Variants in RBFOX1 observed in about 807,000 individuals in gnomAD.
RBFOX1 encodes the protein RNA binding fox-1 homolog 1, also known as RNA binding protein fox-1 homolog 1.
In RBFOX1, 8 loss-of-function variants were observed where a neutral mutation model predicts 57.7. That is an observed-to-expected ratio of 0.14 (90% CI 0.08 to 0.25). The LOEUF is 0.25. Ranked by LOEUF, RBFOX1 falls within the 10% of genes least tolerant of loss-of-function variation. The probability of loss-of-function intolerance (pLI) is 1.00; values close to 1 mark genes in which losing one functional copy is unlikely to be tolerated. For synonymous variants in RBFOX1, 326 were observed against 222.4 expected, an observed-to-expected ratio of 1.47 and a Z score of -4.15; for missense variants, 611 against 548.5, an observed-to-expected ratio of 1.11 and a Z score of -1.14.
At chr16:5,962,390 C>T (rs1211791301) in intron 4 of RBFOX1, among the ~76,000 whole-genome samples, 2 of 152,170 alleles carry the variant, frequency 1.3e-5, no homozygotes, top group Non-Finnish European at 2.9e-5. Context: ...ATGAAGCACT[C>T]AGGGGACCTT....
chr16:6,568,575 G>C (rs747285772), intron 2 of RBFOX1, among the ~76,000 whole-genome samples: 1 of 152,050 alleles, frequency 6.6e-6, no homozygotes, highest in Non-Finnish European at 1.5e-5. Context: ...TGGCACAAAG[G>C]CACGAATAAC....
chr16:5,882,526 C>T (rs1021144582), intron 4 of RBFOX1, among the ~76,000 whole-genome samples: 1 of 152,146 alleles, frequency 6.6e-6, no homozygotes, highest in Non-Finnish European at 1.5e-5. Context: ...TTGATGAACT[C>T]AGAGCTGCCT....
At chr16:7,186,556 AAGCTTAAAC>A (rs1567619234) in intron 4 of RBFOX1, among the ~76,000 whole-genome samples, 10 of 60,952 alleles carry the variant, frequency 1.6e-4, no homozygotes, top group African/African-American at 4.5e-4. Flanking sequence ...ATATAAATAT[AAGCTTAAAC>A]ATATTTATAT....
At chr16:6,455,298 C>T (rs117853804) in intron 2 of RBFOX1, among the ~76,000 whole-genome samples, 3 of 152,118 alleles carry the variant, frequency 2.0e-5, no homozygotes, top group East Asian at 1.9e-4. Context: ...AACCTAACCA[C>T]GATGTATTGC....
At chr16:6,773,553 T>G in intron 3 of RBFOX1, among the ~76,000 whole-genome samples, 1 of 135,884 alleles carries the variant, frequency 7.4e-6, no homozygotes, top group Non-Finnish European at 1.6e-5. Flanking sequence ...ATAGGGTGCA[T>G]TTGTGTGTGT....
At chr16:6,951,043 C>A (rs537005637) in intron 3 of RBFOX1, among the ~76,000 whole-genome samples, 1 of 151,970 alleles carries the variant, frequency 6.6e-6, no homozygotes, top group African/African-American at 2.4e-5. Flanking sequence ...GTAGGTGGGA[C>A]TACAGGCACG....
At chr16:6,471,791 T>C (rs2095181139) in intron 2 of RBFOX1, among the ~76,000 whole-genome samples, 1 of 152,144 alleles carries the variant, frequency 6.6e-6, no homozygotes, top group South Asian at 2.1e-4. Flanking sequence ...TGGCCATGTC[T>C]TGTGCAATCC....
chr16:5,246,213 G>T (rs2062296062), intron 1 of RBFOX1, among the ~76,000 whole-genome samples: 1 of 152,146 alleles, frequency 6.6e-6, no homozygotes, highest in South Asian at 2.1e-4. Flanking sequence ...CTGCACTTCA[G>T]CCAGCCTGGG....
At chr16:7,117,259 T>C (rs2066118228) in intron 4 of RBFOX1, among the ~76,000 whole-genome samples, 1 of 152,144 alleles carries the variant, frequency 6.6e-6, no homozygotes, top group Non-Finnish European at 1.5e-5. Context: ...ACTGATCGTT[T>C]CATTGTACGA....
chr16:7,110,753 T>G (rs993557495), intron 4 of RBFOX1, among the ~76,000 whole-genome samples: 12 of 152,180 alleles, frequency 7.9e-5, no homozygotes, highest in African/African-American at 2.7e-4. Context: ...TTCTTAAAAT[T>G]GTGCACGTAA....
intron 3 of RBFOX1, among the ~76,000 whole-genome samples, chr16:6,815,410 C>T (rs1414262528): frequency 6.6e-6 from 1 of 152,122 alleles, no homozygotes; most frequent in African/African-American, 2.4e-5. Flanking sequence ...CTTACTTTAC[C>T]TAACCCCTTT....
intron 1 of RBFOX1, among the ~76,000 whole-genome samples, chr16:6,034,323 C>T (rs969462548): frequency 2.1e-4 from 19 of 89,152 alleles, no homozygotes; most frequent in South Asian, 9.0e-4. Flanking sequence ...CAGAGCGAGA[C>T]TGTTGCGCAA....
At chr16:6,973,091 A>G (rs1486087852) in intron 3 of RBFOX1, among the ~76,000 whole-genome samples, 2 of 152,034 alleles carry the variant, frequency 1.3e-5, no homozygotes, top group African/African-American at 4.8e-5. Context: ...AGATTGCACT[A>G]CTGCACTCCA....
chr16:6,125,196 T>A (rs1037319428), intron 1 of RBFOX1, among the ~76,000 whole-genome samples: 1 of 152,214 alleles, frequency 6.6e-6, no homozygotes, highest in East Asian at 1.9e-4. Context: ...TACAGTCATA[T>A]CTTTGTCAAG....
At chr16:6,716,067 A>G (rs12598879) in intron 3 of RBFOX1, among the ~76,000 whole-genome samples, 12,363 of 152,266 alleles carry the variant, frequency 0.081, 754 homozygotes, top group East Asian at 0.36. Flanking sequence ...TCAGTTGTAC[A>G]TGATGGCCCT....
intron 14 of RBFOX1, among the ~76,000 whole-genome samples, chr16:7,705,029 G>C (rs2081985564): frequency 7.5e-6 from 1 of 133,578 alleles, no homozygotes; most frequent in Non-Finnish European, 1.6e-5. Flanking sequence ...AGGTGACAGA[G>C]CAAGACTCTG....
At chr16:6,897,963 T>C (rs939531538) in intron 3 of RBFOX1, among the ~76,000 whole-genome samples, 2 of 152,136 alleles carry the variant, frequency 1.3e-5, no homozygotes, top group Non-Finnish European at 2.9e-5. Context: ...CCCTGTGTTA[T>C]AGGTAACTTA....
At chr16:5,554,600 C>A (rs1272583757) in intron 2 of RBFOX1, among the ~76,000 whole-genome samples, 1 of 151,914 alleles carries the variant, frequency 6.6e-6, no homozygotes, top group Non-Finnish European at 1.5e-5. Flanking sequence ...ATTCAATGTC[C>A]ATCTTGGGGC....
rs559500578 is a variant in RBFOX1 at position 5,446,757 on chromosome 16, C to G, written c.220-20459C>G. ...AGACTAAGTTCTTCAAGTCCCTCCT[C>G]CTGTCCATCCCCACCGCCAAGATGA... On this transcript the variant is annotated intron_variant, in intron 1 of 2. Coordinates refer to the RBFOX1 transcript ENST00000585867. 8.1e-4 allele frequency among the ~76,000 whole-genome samples: 123 copies of G among 152,230 alleles called. 2 individuals carry two copies. The South Asian group carries it at 0.024, about 29-fold the overall frequency.
Sources: allele counts gnomAD v4.1 joint callset (sites outside exome capture counted in the v4.1 genomes callset), GRCh38; gene constraint gnomAD v4.1.1; transcripts MANE v1.5; gene names NCBI Gene and HGNC (gene_info 2026-07-23, HGNC 2026-07-21).